The following ATP10B variants were observed in gnomAD, a reference collection of about 807,000 sequenced individuals.
ATP10B encodes ATPase phospholipid transporting 10B (putative), also known as phospholipid-transporting ATPase VB.
Under a neutral mutation model 141.2 loss-of-function variants are expected in ATP10B, and 122 were observed. That is an observed-to-expected ratio of 0.86 (90% CI 0.75 to 1.00). The LOEUF is 1.00. Among genes scored for constraint, ATP10B ranks in the 50% least tolerant of loss-of-function variants. ATP10B has a pLI of 0.00. For synonymous variants in ATP10B, 685 were observed against 692.0 expected (o/e 0.99, Z 0.16); for missense variants, 1,876 against 1,825.3 (o/e 1.03, Z -0.51).
chr5:160,813,137 C>T (rs949778889), intron 1 of ATP10B, among the ~76,000 whole-genome samples: 10 of 152,152 alleles, frequency 6.6e-5, no homozygotes, highest in Non-Finnish European at 1.0e-4. Context: ...AAAGTGGATG[C>T]AGGACAGTGG....
chr5:160,817,931 G>A (rs13176802), intron 1 of ATP10B, among the ~76,000 whole-genome samples: 114,842 of 152,094 alleles, frequency 0.76, 44,414 homozygotes, highest in East Asian at 0.97. Context: ...GGTGCTGGGG[G>A]AACTGGCTAG....
Position 160,644,168 on chromosome 5 carries a change from C to A in ATP10B, c.838G>T (p.Glu280Ter), listed in dbSNP as rs3749670. 3.1e-6 allele frequency: 5 copies of A among 1,613,944 alleles called. No homozygotes were observed. Among genetic ancestry groups the A allele is most frequent in the East Asian group, 2.2e-5 (1 of 44,864 alleles). Reference protein sequence around the residue: ...LLRGCTIRNTEMAVGIVIYAG... With the variant: ...LLRGCTIRNT ...TAGATGACAATGCCAACAGCCATCT[C>A]GGTGTTTCTGATGGTGCAGCCTCGA... Residue 280 changes from glutamate to a stop codon, truncating the protein, a stop_gained, in exon 9 of 26, where the codon GAG becomes TAG. Transcript: ENST00000327245. LOFTEE classifies it high-confidence loss of function.
Position 160,585,332 on chromosome 5 carries a change from C to T in ATP10B, c.3750+4260G>A, listed in dbSNP as rs143642901. Among the ~76,000 whole-genome samples the T allele has an allele frequency of 3.9e-3, 601 of 152,272 alleles. 8 individuals are homozygous for T. Among genetic ancestry groups the T allele is most frequent in the African/African-American group, 0.014 (570 of 41,568 alleles). On this transcript the variant is annotated intron_variant, in intron 24 of 25. Coordinates refer to ENST00000327245, the MANE Select transcript of ATP10B (RefSeq NM_025153.3). ...TCATTAGCTTGGTGGTTTCTAGTAT[C>T]AAACAGCTTCTGATAAAACTATACC...
chr5:160,736,771 A>G (rs938765745), intron 2 of ATP10B, among the ~76,000 whole-genome samples: 2 of 152,134 alleles, frequency 1.3e-5, no homozygotes, highest in Non-Finnish European at 2.9e-5. Context: ...AAAGAAAAAA[A>G]AGTCTACTAG....
chr5:160,724,463 C>CA (rs1274372535), intron 2 of ATP10B, among the ~76,000 whole-genome samples: 2 of 152,054 alleles, frequency 1.3e-5, no homozygotes, highest in Non-Finnish European at 2.9e-5. Context: ...CAACTGCACT[C>CA]AAAACTCTCC....
chr5:160,733,251 T>A (rs570197288), intron 2 of ATP10B, among the ~76,000 whole-genome samples: 1 of 152,292 alleles, frequency 6.6e-6, no homozygotes, highest in East Asian at 1.9e-4. Flanking sequence ...TCCTTTTTAG[T>A]TGGTTTGTTA....
chr5:160,751,397 G>C (rs1768141591), intron 2 of ATP10B, among the ~76,000 whole-genome samples: 1 of 152,206 alleles, frequency 6.6e-6, no homozygotes, highest in African/African-American at 2.4e-5. Flanking sequence ...GAAGCTTAAT[G>C]TTGTTTTTCC....
At chr5:160,889,247 C>T in the ATP10B span, among the ~76,000 whole-genome samples, 1 of 152,178 alleles carries the variant, frequency 6.6e-6, no homozygotes, top group Non-Finnish European at 1.5e-5. Flanking sequence ...GTTCCCCTTA[C>T]CCTTTGACAT....
chr5:160,854,642 T>A (rs189763559), upstream of ATP10B, among the ~76,000 whole-genome samples: 1 of 152,298 alleles, frequency 6.6e-6, no homozygotes, highest in East Asian at 1.9e-4. Flanking sequence ...TACCTGTGCA[T>A]GTGTCTTTAT....
chr5:160,745,249 C>T (rs1349620861), intron 2 of ATP10B, among the ~76,000 whole-genome samples: 1 of 152,132 alleles, frequency 6.6e-6, no homozygotes, highest in Non-Finnish European at 1.5e-5. Flanking sequence ...AAAAGGTTTT[C>T]TGCTAAAAAT....
chr5:160,838,763 T>C lies in ATP10B; in HGVS notation c.-576+13178A>G, dbSNP rs114235054. Among the ~76,000 whole-genome samples the C allele has an allele frequency of 6.0e-3, 917 of 152,308 alleles. 13 individuals carry two copies. Among genetic ancestry groups the C allele is most frequent in the African/African-American group, 0.021 (873 of 41,576 alleles). On this transcript the variant is annotated intron_variant, in intron 1 of 25. Coordinates refer to ENST00000327245, the MANE Select transcript of ATP10B (RefSeq NM_025153.3). ...ATGAAATGAAGGCCAAGACCTGTGA[T>C]GTCATTTGGACATTTGTCCCTCCAA...
At chr5:160,811,302 G>A (rs1773136135) in intron 1 of ATP10B, among the ~76,000 whole-genome samples, 1 of 152,176 alleles carries the variant, frequency 6.6e-6, no homozygotes, top group African/African-American at 2.4e-5. Flanking sequence ...AAGCAGAGGG[G>A]AAAGTAATAG....
chr5:160,911,056 A>C, the ATP10B span, among the ~76,000 whole-genome samples: 7 of 152,230 alleles, frequency 4.6e-5, no homozygotes, highest in Admixed American at 3.9e-4. Flanking sequence ...AACACAAACA[A>C]ACAAGGACAA....
chr5:160,610,372 T>C (rs1757653121), intron 18 of ATP10B, among the ~76,000 whole-genome samples: 2 of 152,120 alleles, frequency 1.3e-5, no homozygotes, highest in African/African-American at 4.8e-5. Flanking sequence ...CTCCTTCCCA[T>C]GCCAAAACCA....
chr5:160,866,672 C>T, the ATP10B span, among the ~76,000 whole-genome samples: 1 of 152,058 alleles, frequency 6.6e-6, no homozygotes, highest in South Asian at 2.1e-4. Flanking sequence ...AAAACCCTGT[C>T]TCAAAAACAA....
intron 2 of ATP10B, among the ~76,000 whole-genome samples, chr5:160,778,828 C>T (rs1351413786): frequency 1.3e-5 from 2 of 152,204 alleles, no homozygotes; most frequent in Admixed American, 1.3e-4. Context: ...GTGGCAATAA[C>T]ACCAGTGTTA....
At chr5:160,655,605 C>T (rs1044041300) in intron 7 of ATP10B, among the ~76,000 whole-genome samples, 3 of 152,136 alleles carry the variant, frequency 2.0e-5, no homozygotes, top group African/African-American at 7.2e-5. Context: ...ACTGTAAAGG[C>T]TGACTCATGC....
the ATP10B span, among the ~76,000 whole-genome samples, chr5:160,877,876 T>C: frequency 2.7e-5 from 4 of 146,154 alleles, no homozygotes; most frequent in South Asian, 9.0e-4. Flanking sequence ...CTCAATGAAA[T>C]AAAAGAGGAA....
intron 1 of ATP10B, among the ~76,000 whole-genome samples, chr5:160,830,685 T>C (rs979660446): frequency 6.6e-6 from 1 of 152,078 alleles, no homozygotes; most frequent in African/African-American, 2.4e-5. Flanking sequence ...GTTGAGATTT[T>C]GATAGTTCCA....
Sources: allele counts gnomAD v4.1 joint callset (sites outside exome capture counted in the v4.1 genomes callset), GRCh38; gene constraint gnomAD v4.1.1; transcripts MANE v1.5; gene names NCBI Gene and HGNC (gene_info 2026-07-23, HGNC 2026-07-21).